OR2B6: variants seen among roughly 807,000 people sequenced by gnomAD.
OR2B6 encodes the protein olfactory receptor 2B6.
For synonymous variants in OR2B6, 130 were observed against 142.7 expected (o/e 0.91, Z 0.63); for missense variants, 350 against 368.9 (o/e 0.95, Z 0.42).
In OR2B6 at chr6:27,957,626, C is replaced by T; in HGVS notation, c.386C>T (p.Pro129Leu). ...SFDRFVAICR[P>L]LHYSVIMHQR... ...GATAGGTTTGTAGCTATTTGTCGGC[C>T]TCTCCATTACTCAGTTATCATGCAC... Residue 129 changes from proline to leucine, a missense_variant, in exon 1 of 1, where the codon CCT (proline) becomes CTT (leucine). By Grantham distance (98) the Pro-to-Leu change is moderately conservative (BLOSUM62 -3). Transcript: ENST00000244623. 1.2e-6 allele frequency: 2 copies of T among 1,614,028 alleles called. No individual in the cohort carries two copies. The highest frequency in any genetic ancestry group is 1.7e-6 in the Non-Finnish European group (2 of 1,179,950).
In OR2B6 at chr6:27,957,444, C is replaced by G; in HGVS notation, c.204C>G (p.Leu68=). 1 of 1,614,032 alleles carries G rather than the reference C, an allele frequency of 6.2e-7. No homozygotes were observed. The highest frequency in any genetic ancestry group is 8.5e-7 in the Non-Finnish European group (1 of 1,179,954). The change falls in exon 1 of 1, where the codon CTC becomes CTG. Residue 68 remains leucine (L), a synonymous_variant. Transcript: ENST00000244623. ...ATTTTTTTCTTACCAATCTATCACT[C>G]CTGGATCTTTGTTACACCACATGTA... is the stretch of plus-strand genomic sequence containing the variant. ...PMYFFLTNLS[L]LDLCYTTCTV...
rs1762765175 is a variant in OR2B6 at position 27,957,815 on chromosome 6, C to T, written c.575C>T (p.Thr192Ile). 2 of 1,613,968 alleles carry T rather than the reference C, an allele frequency of 1.2e-6. No homozygotes were observed. Among genetic ancestry groups the T allele is most frequent in the Admixed American group, 3.3e-5 (2 of 59,982 alleles). ...PALLKLSCVE[T>I]TANEAELFLV... Reference sequence around the variant, plus strand: ...CTGCTCAAGTTATCTTGTGTTGAGACAACAGCAAATGAGGCTGAACTATTC... The same window carrying T: ...CTGCTCAAGTTATCTTGTGTTGAGATAACAGCAAATGAGGCTGAACTATTC... The change falls in exon 1 of 1, where the codon ACA becomes ATA. Residue 192 changes from threonine (T) to isoleucine (I), a missense_variant. Physicochemically the swap from Thr to Ile is moderately conservative, Grantham distance 89 (BLOSUM62 -1). Transcript: ENST00000244623.
chr6:27,957,874 A>C lies in OR2B6; in HGVS notation c.634A>C (p.Thr212Pro). 7 of 1,614,076 alleles carry C rather than the reference A, an allele frequency of 4.3e-6. No individual in the cohort carries two copies. The highest frequency in any genetic ancestry group is 5.9e-6 in the Non-Finnish European group (7 of 1,179,984). ...TGAGCTCTTCCATCTAATACCCCTG[A>C]CACTCATCCTTATATCATATGCTTT... ...VSELFHLIPL[T>P]LILISYAFIV... The change falls in exon 1 of 1, where the codon ACA becomes CCA. Residue 212 changes from threonine (T) to proline (P), a missense_variant. Transcript: ENST00000244623.
At position 27,957,596 on chromosome 6, in the gene OR2B6, C is replaced by G. The variant is rs1762759849; in HGVS notation, c.356C>G (p.Ser119Cys). 3.1e-6 allele frequency: 5 copies of G among 1,613,962 alleles called. No individual in the cohort carries two copies. Among genetic ancestry groups the G allele is most frequent in the Non-Finnish European group, 4.2e-6 (5 of 1,179,936 alleles). Residue 119 changes from serine to cysteine, a missense_variant, in exon 1 of 1, where the codon TCC (serine) becomes TGC (cysteine). By Grantham distance (112) the Ser-to-Cys change is moderately radical (BLOSUM62 -1). Coordinates refer to ENST00000244623, the MANE Select transcript of OR2B6 (RefSeq NM_012367.1). Reference sequence around the variant, plus strand: ...GAATATCTTCTCCTGGCCGTCATGTCCTTTGATAGGTTTGTAGCTATTTGT... The same window carrying G: ...GAATATCTTCTCCTGGCCGTCATGTGCTTTGATAGGTTTGTAGCTATTTGT... ...ATEYLLLAVM[S>C]FDRFVAICRP...
At position 27,958,015 on chromosome 6, in the gene OR2B6, T is replaced by A. The variant is rs764427650; in HGVS notation, c.775T>A (p.Tyr259Asn). Residue 259 changes from tyrosine to asparagine, a missense_variant, in exon 1 of 1, where the codon TAC (tyrosine) becomes AAC (asparagine). Tyr to Asn is a moderately radical substitution (Grantham distance 143, BLOSUM62 -2). Coordinates refer to ENST00000244623, the MANE Select transcript of OR2B6 (RefSeq NM_012367.1). ...TTTTTATAGTACAGCCGTCTCTGTGTACCTGCAACCACCTTCGCCCAGCTC... is the reference window on the plus strand; with the variant it reads ...TTTTTATAGTACAGCCGTCTCTGTGAACCTGCAACCACCTTCGCCCAGCTC... Reference protein sequence around the residue: ...SLFYSTAVSVYLQPPSPSSKD... With the variant: ...SLFYSTAVSVNLQPPSPSSKD... The A allele has an allele frequency of 1.2e-6, 2 of 1,613,924 alleles. No individual in the cohort carries two copies. The highest frequency in any genetic ancestry group is 1.7e-6 in the Non-Finnish European group (2 of 1,179,962).
rs755676492 is a variant in OR2B6 at position 27,957,411 on chromosome 6, C to T, written c.171C>T (p.Thr57=). ...CACGCCTGGACACCAAACTTCATAC[C>T]CCCATGTATTTTTTTCTTACCAATC... The part of the protein sequence containing the change: ...LVSRLDTKLH[T]PMYFFLTNLS... The change falls in exon 1 of 1, where the codon ACC becomes ACT. Residue 57 remains threonine (T), a synonymous_variant. Coordinates refer to ENST00000244623, the MANE Select transcript of OR2B6 (RefSeq NM_012367.1). 1.2e-6 allele frequency: 2 copies of T among 1,613,908 alleles called. No individual in the cohort carries two copies. Among genetic ancestry groups the T allele is most frequent in the African/African-American group, 2.7e-5 (2 of 74,874 alleles).
chr6:27,957,258 C>A lies in OR2B6; in HGVS notation c.18C>A (p.Asp6Glu). 3 of 1,598,022 alleles carry A rather than the reference C, an allele frequency of 1.9e-6. No homozygotes were observed. Among genetic ancestry groups the A allele is most frequent in the Non-Finnish European group, 2.6e-6 (3 of 1,171,888 alleles). The change falls in exon 1 of 1, where the codon GAC becomes GAA. Residue 6 changes from aspartate to glutamate, a missense_variant. Transcript: ENST00000244623. ...CATTAATCATGAATTGGGTAAATGA[C>A]AGCATCATACAGGAGTTTATTCTGC... The part of the protein sequence containing the change: MNWVN[D>E]SIIQEFILLG...
At position 27,957,749 on chromosome 6, in the gene OR2B6, A is replaced by G; in HGVS notation, c.509A>G (p.Asp170Gly). Residue 170 changes from aspartate to glycine, a missense_variant, in exon 1 of 1, where the codon GAC (aspartate) becomes GGC (glycine). Coordinates refer to ENST00000244623, the MANE Select transcript of OR2B6 (RefSeq NM_012367.1). ...CTGACTCTCCAGCTGCCACTCTGTG[A>G]CCCCTATGTGATAGATCACTTTCTC... ...STLTLQLPLCDPYVIDHFLCE... is the reference protein window; with the variant it reads ...STLTLQLPLCGPYVIDHFLCE... 4 of 1,613,876 alleles carry G rather than the reference A, an allele frequency of 2.5e-6. No individual in the cohort carries two copies. Among genetic ancestry groups the G allele is most frequent in the Non-Finnish European group, 3.4e-6 (4 of 1,179,950 alleles).
In OR2B6 at chr6:27,958,005, C is replaced by T. The variant is rs767338765; in HGVS notation, c.765C>T (p.Ala255=). The change falls in exon 1 of 1, where the codon GCC becomes GCT. Residue 255 remains alanine (A), a synonymous_variant. Coordinates refer to ENST00000244623, the MANE Select transcript of OR2B6 (RefSeq NM_012367.1). ...TGGTGTCTCTTTTTTATAGTACAGC[C>T]GTCTCTGTGTACCTGCAACCACCTT... The part of the protein sequence containing the change: ...LIVVSLFYST[A]VSVYLQPPSP... 13 of 1,613,796 alleles carry T rather than the reference C, an allele frequency of 8.1e-6. No homozygotes were observed. The highest frequency in any genetic ancestry group is 5.3e-5 in the African/African-American group (4 of 74,868).
chr6:27,958,134 G>A lies in OR2B6; in HGVS notation c.894G>A (p.Lys298=). 1 of 1,613,520 alleles carries A rather than the reference G, an allele frequency of 6.2e-7. No individual in the cohort carries two copies. Among genetic ancestry groups the A allele is most frequent in the South Asian group, 1.1e-5 (1 of 90,986 alleles). ...LIYTLRNKEV[K]EGFKRLVARV... ...ATACACTTAGGAACAAGGAGGTAAA[G>A]GAAGGCTTTAAAAGGTTGGTTGCAA... The change falls in exon 1 of 1, where the codon AAG becomes AAA. Residue 298 remains lysine, a synonymous_variant. Coordinates refer to ENST00000244623, the MANE Select transcript of OR2B6 (RefSeq NM_012367.1).
At position 27,957,890 on chromosome 6, in the gene OR2B6, C is replaced by T. The variant is rs200986280; in HGVS notation, c.650C>T (p.Ser217Leu). ...ATACCCCTGACACTCATCCTTATAT[C>T]ATATGCTTTTATTGTCCGAGCAGTA... ...HLIPLTLILI[S>L]YAFIVRAVLR... Residue 217 changes from serine (S) to leucine (L), a missense_variant, in exon 1 of 1, where the codon TCA becomes TTA. Coordinates refer to ENST00000244623, the MANE Select transcript of OR2B6 (RefSeq NM_012367.1). The T allele has an allele frequency of 3.4e-5, 55 of 1,614,028 alleles. No homozygotes were observed. Among genetic ancestry groups the T allele is most frequent in the African/African-American group, 9.3e-5 (7 of 74,934 alleles).
Position 27,957,543 on chromosome 6 carries a change from T to C in OR2B6, c.303T>C (p.Leu101=). Residue 101 remains leucine, a synonymous_variant, in exon 1 of 1, where the codon CTT becomes CTC. Coordinates refer to ENST00000244623, the MANE Select transcript of OR2B6 (RefSeq NM_012367.1). ...GTTATCGTGGCTGTGTAGCCCAGCT[T>C]TTCATATTTCTGGCCTTGGGGGCTA... ...VISYRGCVAQ[L]FIFLALGATE... The C allele has an allele frequency of 6.2e-7, 1 of 1,614,070 alleles. No individual in the cohort carries two copies. The highest frequency in any genetic ancestry group is 1.1e-5 in the South Asian group (1 of 91,090).
At position 27,957,301 on chromosome 6, in the gene OR2B6, C is replaced by G. The variant is rs984964712; in HGVS notation, c.61C>G (p.Pro21Ala). The G allele has an allele frequency of 1.2e-6, 2 of 1,613,830 alleles. No homozygotes were observed. Among genetic ancestry groups the G allele is most frequent in the Non-Finnish European group, 1.7e-6 (2 of 1,179,818 alleles). The change falls in exon 1 of 1, where the codon CCT becomes GCT. Residue 21 changes from proline (P) to alanine (A), a missense_variant. Physicochemically the swap from Pro to Ala is conservative, Grantham distance 27. Transcript: ENST00000244623. ...EFILLGFSDRPWLEFPLLVVF... is the reference protein window; with the variant it reads ...EFILLGFSDRAWLEFPLLVVF... ...TATTCTGCTGGGTTTCTCAGATCGA[C>G]CTTGGCTGGAGTTTCCACTCCTTGT...
In OR2B6 at chr6:27,957,281, T is replaced by C. The variant is rs779277928; in HGVS notation, c.41T>C (p.Leu14Pro). Reference protein sequence around the residue: ...VNDSIIQEFILLGFSDRPWLE... With the variant: ...VNDSIIQEFIPLGFSDRPWLE... Reference sequence around the variant, plus strand: ...GACAGCATCATACAGGAGTTTATTCTGCTGGGTTTCTCAGATCGACCTTGG... The same window carrying C: ...GACAGCATCATACAGGAGTTTATTCCGCTGGGTTTCTCAGATCGACCTTGG... Residue 14 changes from leucine (L) to proline (P), a missense_variant, in exon 1 of 1, where the codon CTG becomes CCG. Leu to Pro is a moderately conservative substitution (Grantham distance 98). Coordinates refer to ENST00000244623, the MANE Select transcript of OR2B6 (RefSeq NM_012367.1). 11 of 1,613,250 alleles carry C rather than the reference T, an allele frequency of 6.8e-6. No homozygotes were observed. Among genetic ancestry groups the C allele is most frequent in the Non-Finnish European group, 7.6e-6 (9 of 1,179,514 alleles).
Position 27,957,347 on chromosome 6 carries a change from C to A in OR2B6, c.107C>A (p.Thr36Asn). 6.2e-7 allele frequency: 1 copy of A among 1,613,824 alleles called. No homozygotes were observed. Among genetic ancestry groups the A allele is most frequent in the Non-Finnish European group, 8.5e-7 (1 of 1,179,728 alleles). The change falls in exon 1 of 1, where the codon ACT becomes AAT. Residue 36 changes from threonine to asparagine, a missense_variant. Physicochemically the swap from Thr to Asn is moderately conservative, Grantham distance 65. Coordinates refer to ENST00000244623, the MANE Select transcript of OR2B6 (RefSeq NM_012367.1). ...PLLVVFLISY[T>N]VTIFGNLTII... Reference sequence around the variant, plus strand: ...CTTGTGGTCTTCTTGATTTCTTACACTGTGACCATCTTTGGCAATCTGACC... The same window carrying A: ...CTTGTGGTCTTCTTGATTTCTTACAATGTGACCATCTTTGGCAATCTGACC...
chr6:27,957,471 A>G lies in OR2B6; in HGVS notation c.231A>G (p.Thr77=), dbSNP rs771313883. Residue 77 remains threonine, a synonymous_variant, in exon 1 of 1, where the codon ACA becomes ACG. Coordinates refer to ENST00000244623, the MANE Select transcript of OR2B6 (RefSeq NM_012367.1). ...TGGATCTTTGTTACACCACATGTACAGTCCCACAAATGCTAGTAAATTTAT... is the reference window on the plus strand; with the variant it reads ...TGGATCTTTGTTACACCACATGTACGGTCCCACAAATGCTAGTAAATTTAT... The part of the protein sequence containing the change: ...SLLDLCYTTC[T]VPQMLVNLCS... The G allele has an allele frequency of 6.2e-7, 1 of 1,614,136 alleles. No homozygotes were observed. Among genetic ancestry groups the G allele is most frequent in the Non-Finnish European group, 8.5e-7 (1 of 1,179,998 alleles).
Position 27,957,541 on chromosome 6 carries a change from C to G in OR2B6, c.301C>G (p.Leu101Val), listed in dbSNP as rs778903038. ...VISYRGCVAQ[L>V]FIFLALGATE... ...CAGTTATCGTGGCTGTGTAGCCCAG[C>G]TTTTCATATTTCTGGCCTTGGGGGC... The change falls in exon 1 of 1, where the codon CTT (leucine) becomes GTT (valine). Residue 101 changes from leucine to valine, a missense_variant. By Grantham distance (32) the Leu-to-Val change is conservative. Coordinates refer to ENST00000244623, the MANE Select transcript of OR2B6 (RefSeq NM_012367.1). 7.4e-6 allele frequency: 12 copies of G among 1,614,086 alleles called. No homozygotes were observed. Among genetic ancestry groups the G allele is most frequent in the Non-Finnish European group, 1.0e-5 (12 of 1,180,008 alleles).
chr6:27,958,095 G>GAATC lies in OR2B6; in HGVS notation c.856_859dup (p.Pro287GlnfsTer8). The GAATC allele has an allele frequency of 6.2e-7, 1 of 1,613,988 alleles. No homozygotes were observed. Among genetic ancestry groups the GAATC allele is most frequent in the Non-Finnish European group, 8.5e-7 (1 of 1,179,944 alleles). ...TCTATGGAATCATTGCACCCATGCT[G>GAATC]AATCCCCTTATATATACACTTAGGA... On this transcript the variant is annotated frameshift_variant, in exon 1 of 1. Transcript: ENST00000244623. LOFTEE classifies it low-confidence loss of function (END_TRUNC).
At position 27,957,680 on chromosome 6, in the gene OR2B6, C is replaced by T; in HGVS notation, c.440C>T (p.Ala147Val). 1.2e-6 allele frequency: 2 copies of T among 1,614,082 alleles called. No homozygotes were observed. Among genetic ancestry groups the T allele is most frequent in the Non-Finnish European group, 1.7e-6 (2 of 1,179,972 alleles). ...HQRLCLQLAA[A>V]SWVTGFSNSV... ...AGACTCTGCCTCCAGTTGGCAGCTGCATCCTGGGTTACTGGTTTTAGTAAC... is the reference window on the plus strand; with the variant it reads ...AGACTCTGCCTCCAGTTGGCAGCTGTATCCTGGGTTACTGGTTTTAGTAAC... Residue 147 changes from alanine to valine, a missense_variant, in exon 1 of 1, where the codon GCA becomes GTA. Physicochemically the swap from Ala to Val is moderately conservative, Grantham distance 64 (BLOSUM62 0). Transcript: ENST00000244623.
Sources: gnomAD v4.1 joint callset for allele counts on GRCh38, gnomAD v4.1.1 for gene constraint, MANE v1.5 for transcripts, NCBI Gene and HGNC (gene_info 2026-07-23, HGNC 2026-07-21) for gene names.